Variants in PAX5 observed in about 807,000 individuals in gnomAD.
PAX5 encodes the protein paired box protein Pax-5.
In PAX5, 9 loss-of-function variants were observed where a neutral mutation model predicts 43.7. That is an observed-to-expected ratio of 0.21 (90% CI 0.12 to 0.36). The LOEUF is 0.36. PAX5 is among the 10% of genes least tolerant of loss of function. The probability of loss-of-function intolerance (pLI) is 1.00; values close to 1 mark genes in which losing one functional copy is unlikely to be tolerated. For synonymous variants in PAX5, 228 were observed against 214.3 expected (o/e 1.06, Z -0.56); for missense variants, 383 against 532.7 (o/e 0.72, Z 2.77).
chr9:36,994,339 C>A (rs969424852), intron 5 of PAX5, among the ~76,000 whole-genome samples: 2 of 152,232 alleles, frequency 1.3e-5, no homozygotes, highest in African/African-American at 2.4e-5. Context: ...TTGGGCCAAG[C>A]CTGCGCCCTC....
At chr9:36,852,974 C>A (rs964891323) in intron 8 of PAX5, among the ~76,000 whole-genome samples, 3 of 152,184 alleles carry the variant, frequency 2.0e-5, no homozygotes, top group African/African-American at 7.2e-5. Flanking sequence ...TCCTTCTTCA[C>A]CCCTGATGTA....
intron 2 of PAX5, 119 bp downstream of exon 2, chr9:37,020,517 G>A (rs1016724164): frequency 2.0e-5 from 21 of 1,053,520 alleles, no homozygotes; most frequent in African/African-American, 7.9e-5. Context: ...AGTGCTCTGC[G>A]TGTGAAACAA....
chr9:37,007,102 A>G lies in PAX5; in HGVS notation c.411-565T>C, dbSNP rs1405196071. On this transcript the variant is annotated intron_variant, in intron 3 of 9. Transcript: ENST00000358127. ...TGTTGTTCTGATACTAGGGAGAGTC[A>G]AAGTGCAGCCAGGAGACATCCGGTT... 3.3e-5 allele frequency among the ~76,000 whole-genome samples: 5 copies of G among 152,236 alleles called. No homozygotes were observed. The South Asian group carries it at 6.2e-4, about 19-fold the overall frequency.
intron 5 of PAX5, among the ~76,000 whole-genome samples, chr9:37,000,811 A>T (rs527589963): frequency 6.6e-6 from 1 of 152,316 alleles, no homozygotes; most frequent in African/African-American, 2.4e-5. Flanking sequence ...TCACCTCTGC[A>T]TCAGCCACAC....
intron 7 of PAX5, among the ~76,000 whole-genome samples, chr9:36,889,414 C>T (rs1827178362): frequency 1.3e-5 from 2 of 152,242 alleles, no homozygotes; most frequent in African/African-American, 4.8e-5. Flanking sequence ...GTGTTCTAAA[C>T]AATATTCACT....
At chr9:36,970,735 C>T (rs1834864900) in intron 5 of PAX5, among the ~76,000 whole-genome samples, 1 of 152,134 alleles carries the variant, frequency 6.6e-6, no homozygotes, top group Non-Finnish European at 1.5e-5. Context: ...GGGCATTGTT[C>T]TCCAGACACA....
At chr9:36,973,232 T>C (rs1448347447) in intron 5 of PAX5, among the ~76,000 whole-genome samples, 1 of 152,116 alleles carries the variant, frequency 6.6e-6, no homozygotes, top group Admixed American at 6.6e-5. Flanking sequence ...TTTTATGCAC[T>C]ACAACACCCC....
chr9:36,838,922 C>A lies in PAX5; in HGVS notation c.*1638G>T, dbSNP rs1453606796. 2 of 233,314 alleles carry A rather than the reference C, an allele frequency of 8.6e-6. No homozygotes were observed. The highest frequency in any genetic ancestry group is 1.7e-5 in the Non-Finnish European group (2 of 118,150). The allele number at this position is 233,314 out of a possible 1,614,324, so 14.5% of individuals were successfully genotyped here. On this transcript the variant is annotated 3_prime_UTR_variant, in exon 10 of 10. Coordinates refer to ENST00000358127, the MANE Select transcript of PAX5 (RefSeq NM_016734.3). Reference sequence around the variant, plus strand: ...CCTGCCTGGCCTGCTGATCCCAAGTCCAGTCTCTCTCTGCCCTGGCTCTCT... The same window carrying A: ...CCTGCCTGGCCTGCTGATCCCAAGTACAGTCTCTCTCTGCCCTGGCTCTCT...
rs546630449 is a variant in PAX5, at chr9:37,030,504, C to G, written c.46+3482G>C. Among the ~76,000 whole-genome samples the G allele has an allele frequency of 3.3e-5, 5 of 152,362 alleles. No individual in the cohort carries two copies. The South Asian group carries it at 1.0e-3, about 32-fold the overall frequency. On this transcript the variant is annotated intron_variant, in intron 1 of 9. Coordinates refer to ENST00000358127, the MANE Select transcript of PAX5 (RefSeq NM_016734.3). ...GCAGCTCTCACCGCGGCTCTCAACG[C>G]AGTCGGGCCTCACTCTGATCTACAG...
intron 5 of PAX5, among the ~76,000 whole-genome samples, chr9:36,998,996 G>A (rs1329573): frequency 0.87 from 131,691 of 152,174 alleles, 57,777 homozygotes; most frequent in Non-Finnish European, 0.94. Context: ...CTTGCATTCT[G>A]CTTCTGTTGG....
chr9:37,006,171 T>C (rs1838368531), intron 4 of PAX5, among the ~76,000 whole-genome samples: 1 of 152,024 alleles, frequency 6.6e-6, no homozygotes. Flanking sequence ...CTTGATTTAT[T>C]ACTTTAATTA....
chr9:36,878,906 G>A (rs989129252), intron 8 of PAX5, among the ~76,000 whole-genome samples: 3 of 152,248 alleles, frequency 2.0e-5, no homozygotes, highest in African/African-American at 7.2e-5. Context: ...AATGCTGGGA[G>A]ATGCATGAGA....
rs955029459 is a variant in PAX5 at position 36,891,233 on chromosome 9, C to G, written c.911-9128G>C. On this transcript the variant is annotated intron_variant, in intron 7 of 9. Transcript: ENST00000358127. ...ACTTTTTCTGAAGTATATTTTGACACCTGTTGTAGGAAAAGGTGAACAATG... is the reference window on the plus strand; with the variant it reads ...ACTTTTTCTGAAGTATATTTTGACAGCTGTTGTAGGAAAAGGTGAACAATG... 3.3e-5 allele frequency among the ~76,000 whole-genome samples: 5 copies of G among 152,330 alleles called. No individual in the cohort carries two copies. In the South Asian group the frequency reaches 1.0e-3, roughly 32 times the overall value.
rs935151467 is a variant in PAX5, at chr9:36,835,211, C to T, written c.*5349G>A. ...TACGTTTACCCATCTTGGAGATGAG[C>T]TAAAGGGGACCCCTTGGATTGAAAC... On this transcript the variant is annotated 3_prime_UTR_variant, in exon 10 of 10. Transcript: ENST00000358127. 4 of 233,178 alleles carry T rather than the reference C, an allele frequency of 1.7e-5. No individual in the cohort carries two copies. The highest frequency in any genetic ancestry group is 2.5e-5 in the Non-Finnish European group (3 of 118,036). The allele number at this position is 233,178 out of a possible 1,614,324, so 14.4% of individuals were successfully genotyped here.
chr9:37,023,760 C>G (rs938224870), intron 1 of PAX5, among the ~76,000 whole-genome samples: 1 of 152,070 alleles, frequency 6.6e-6, no homozygotes, highest in Non-Finnish European at 1.5e-5. Flanking sequence ...CCAGGACCCC[C>G]ACAAGATCAT....
At chr9:36,855,642 C>T (rs1185667262) in intron 8 of PAX5, among the ~76,000 whole-genome samples, 2 of 152,108 alleles carry the variant, frequency 1.3e-5, no homozygotes, top group Non-Finnish European at 2.9e-5. Context: ...CCCCAGACGC[C>T]GCCTGGTGGC....
intron 5 of PAX5, among the ~76,000 whole-genome samples, chr9:36,973,088 A>AACGGAACGGAACGGAACGGAAC (rs1564026594): frequency 1.1e-5 from 1 of 87,888 alleles, no homozygotes; most frequent in Non-Finnish European, 2.3e-5. Context: ...CGGAACGGAA[A>AACGGAACGGAACGGAACGGAAC]GGAAAGGAAA....
intron 1 of PAX5, among the ~76,000 whole-genome samples, chr9:37,033,659 A>T (rs2132589667): frequency 6.6e-6 from 1 of 152,160 alleles, no homozygotes; most frequent in South Asian, 2.1e-4. Flanking sequence ...AAACTCATAT[A>T]TTTTTACATC....
intron 4 of PAX5, among the ~76,000 whole-genome samples, chr9:37,004,820 C>T (rs147064746): frequency 1.3e-5 from 2 of 152,300 alleles, no homozygotes; most frequent in African/African-American, 4.8e-5. Flanking sequence ...TTTGTGATTG[C>T]GCTAGGCTCA....
Sources: gnomAD v4.1 joint callset for allele counts (sites outside exome capture counted in the v4.1 genomes callset) on GRCh38, gnomAD v4.1.1 for gene constraint, MANE v1.5 for transcripts, NCBI Gene and HGNC (gene_info 2026-07-23, HGNC 2026-07-21) for gene names.